Variants in ATRNL1 observed in about 807,000 individuals in gnomAD.
ATRNL1 encodes the protein attractin like 1.
Under a neutral mutation model 182.7 loss-of-function variants are expected in ATRNL1, and 95 were observed. The observed-to-expected ratio is 0.52, with a 90% CI of 0.44 to 0.62. The LOEUF (loss-of-function observed/expected upper bound fraction) is 0.62. Ranked by LOEUF, ATRNL1 falls within the 20% of genes least tolerant of loss-of-function variation. The probability of loss-of-function intolerance (pLI) is 0.00; values close to 1 mark genes in which losing one functional copy is unlikely to be tolerated. For missense variants in ATRNL1, 1,471 were observed against 1,679.5 expected (o/e 0.88, Z 2.17); for synonymous variants, 576 against 568.3 (o/e 1.01, Z -0.19).
At chr10:115,390,842 G>A (rs1843981238) in intron 19 of ATRNL1, among the ~76,000 whole-genome samples, 2 of 152,086 alleles carry the variant, frequency 1.3e-5, no homozygotes, top group South Asian at 4.1e-4. Flanking sequence ...TTAATGTTTT[G>A]TGGTTTTCAG....
intron 8 of ATRNL1, among the ~76,000 whole-genome samples, chr10:115,198,028 G>A (rs115425277): frequency 0.012 from 1,789 of 152,180 alleles, 34 homozygotes; most frequent in African/African-American, 0.04. Flanking sequence ...TTCTTTAGAT[G>A]TATACCCAAT....
intron 27 of ATRNL1, among the ~76,000 whole-genome samples, chr10:115,845,405 A>T (rs1347692677): frequency 6.6e-6 from 1 of 152,070 alleles, no homozygotes; most frequent in Non-Finnish European, 1.5e-5. Context: ...ATTCTACTCC[A>T]CTGTCCTTAT....
At chr10:115,702,591 G>A (rs1946772969) in intron 26 of ATRNL1, among the ~76,000 whole-genome samples, 2 of 151,914 alleles carry the variant, frequency 1.3e-5, no homozygotes, top group African/African-American at 4.8e-5. Flanking sequence ...CTTCAGCGAG[G>A]TTTTAGGATA....
At chr10:115,363,629 T>C (rs1218228781) in intron 19 of ATRNL1, among the ~76,000 whole-genome samples, 2 of 151,732 alleles carry the variant, frequency 1.3e-5, no homozygotes, top group African/African-American at 4.8e-5. Flanking sequence ...CTAGGTTTTC[T>C]TCTAGGGTTT....
intron 19 of ATRNL1, among the ~76,000 whole-genome samples, chr10:115,391,777 A>C (rs1253795217): frequency 3.9e-5 from 6 of 151,948 alleles, no homozygotes; most frequent in African/African-American, 1.2e-4. Flanking sequence ...TCTTCCTAAC[A>C]TCACTCCTCT....
chr10:115,567,519 G>T (rs1854138939), intron 26 of ATRNL1, among the ~76,000 whole-genome samples: 1 of 151,986 alleles, frequency 6.6e-6, no homozygotes, highest in African/African-American at 2.4e-5. Context: ...ACATGATTTA[G>T]CCAGGGATGG....
At chr10:115,384,922 G>GT (rs1227946021) in intron 19 of ATRNL1, among the ~76,000 whole-genome samples, 1 of 150,398 alleles carries the variant, frequency 6.6e-6, no homozygotes, top group Non-Finnish European at 1.5e-5. Flanking sequence ...ATCACACCTG[G>GT]TTTTTTTCTA....
At chr10:115,671,262 A>C (rs73377533) in intron 26 of ATRNL1, among the ~76,000 whole-genome samples, 5,742 of 152,164 alleles carry the variant, frequency 0.038, 281 homozygotes, top group African/African-American at 0.12. Context: ...CTGTTAATAA[A>C]TGTCAAAATT....
chr10:115,469,221 A>G lies in ATRNL1; in HGVS notation c.3546A>G (p.Ile1182Met), dbSNP rs782667640. 3 of 1,432,304 alleles carry G rather than the reference A, an allele frequency of 2.1e-6. No individual in the cohort carries two copies. Among genetic ancestry groups the G allele is most frequent in the East Asian group, 5.3e-5 (2 of 38,072 alleles). The allele number at this position is 1,432,304 out of a possible 1,614,324, so 88.7% of individuals were successfully genotyped here. A position where few individuals can be genotyped will look rare whatever the true frequency, so the allele number is the denominator to read the frequency against. The change falls in exon 24 of 29, where the codon ATA (isoleucine) becomes ATG (methionine). Residue 1182 changes from isoleucine (I) to methionine (M), a missense_variant. Physicochemically the swap from Ile to Met is conservative, Grantham distance 10 (BLOSUM62 1). Coordinates refer to ENST00000355044, the MANE Select transcript of ATRNL1 (RefSeq NM_207303.4). ...CTTCTATAGTTTCCAAGAATAATAT[A>G]AAGGAATACAGAGATAGTTTTTCCT... ...EETSIVSKNN[I>M]KEYRDSFSYE...
chr10:115,819,054 T>C (rs2134277127), intron 27 of ATRNL1, among the ~76,000 whole-genome samples: 1 of 152,228 alleles, frequency 6.6e-6, no homozygotes, highest in East Asian at 1.9e-4. Context: ...TGCTTGCCCT[T>C]GTGTTAAGGA....
chr10:115,739,184 G>C (rs1948068095), intron 27 of ATRNL1, among the ~76,000 whole-genome samples: 1 of 152,098 alleles, frequency 6.6e-6, no homozygotes, highest in African/African-American at 2.4e-5. Flanking sequence ...ATGTACAAAA[G>C]GCTTATAGTC....
chr10:115,144,304 T>G (rs1050734101), intron 5 of ATRNL1, among the ~76,000 whole-genome samples: 1 of 152,052 alleles, frequency 6.6e-6, no homozygotes, highest in African/African-American at 2.4e-5. Context: ...CCTGCCACCA[T>G]GCCCGTCTAA....
rs535767432 is a variant in ATRNL1 at position 115,542,647 on chromosome 10, C to T, written c.3717-6811C>T. ...TAGCTAGGACCCTGATCAGACCAAA[C>T]CTGGAACTTTTCTTCCTTTGGACTT... On this transcript the variant is annotated intron_variant, in intron 25 of 28. Transcript: ENST00000355044. Among the ~76,000 whole-genome samples, 12 of 152,296 alleles carry T rather than the reference C, an allele frequency of 7.9e-5. No homozygotes were observed. The South Asian group carries it at 2.5e-3, about 32-fold the overall frequency.
intron 5 of ATRNL1, among the ~76,000 whole-genome samples, chr10:115,155,649 G>A (rs1442078224): frequency 5.9e-5 from 9 of 151,992 alleles, no homozygotes; most frequent in Admixed American, 5.2e-4. Context: ...TTCCATAAGT[G>A]TATACTGAGG....
chr10:115,235,484 A>G (rs1053098900), intron 9 of ATRNL1, among the ~76,000 whole-genome samples: 1 of 151,946 alleles, frequency 6.6e-6, no homozygotes, highest in Non-Finnish European at 1.5e-5. Flanking sequence ...TTGTACAAAC[A>G]TGGCCTCCTG....
chr10:115,573,949 A>C (rs959842298), intron 26 of ATRNL1, among the ~76,000 whole-genome samples: 5 of 152,184 alleles, frequency 3.3e-5, no homozygotes, highest in Admixed American at 6.5e-5. Context: ...GACAAAGCTG[A>C]AAAGATACTT....
intron 16 of ATRNL1, 152 bp from the exon 17 acceptor site, chr10:115,301,703 A>G (rs1592407847): frequency 1.9e-6 from 1 of 540,172 alleles, no homozygotes; most frequent in East Asian, 3.2e-5. Context: ...AAGTATTGAT[A>G]TATCATCTTT....
At chr10:115,608,281 C>T (rs1196289747) in intron 26 of ATRNL1, among the ~76,000 whole-genome samples, 3 of 152,058 alleles carry the variant, frequency 2.0e-5, no homozygotes, top group Admixed American at 6.6e-5. Flanking sequence ...TAACCGATAG[C>T]TACTCATCTA....
intron 17 of ATRNL1, among the ~76,000 whole-genome samples, chr10:115,312,656 A>G (rs569641080): frequency 6.6e-6 from 1 of 152,272 alleles, no homozygotes; most frequent in South Asian, 2.1e-4. Context: ...CTACATTTCT[A>G]GCAAGGCCAG....
Sources: allele counts gnomAD v4.1 joint callset (sites outside exome capture counted in the v4.1 genomes callset), GRCh38; gene constraint gnomAD v4.1.1; transcripts MANE v1.5; gene names NCBI Gene and HGNC (gene_info 2026-07-23, HGNC 2026-07-21).